Variants in AGBL1 observed in about 807,000 individuals in gnomAD.
AGBL1 encodes the protein AGBL carboxypeptidase 1, also known as cytosolic carboxypeptidase 4.
In AGBL1, 130 loss-of-function variants were observed where a neutral mutation model predicts 118.9. The ratio of observed to expected loss-of-function variants is 1.09; its 90% CI spans 0.95 to 1.26. The LOEUF (loss-of-function observed/expected upper bound fraction) is 1.26, where lower values mean the gene tolerates loss of function less well. Ranked by LOEUF, AGBL1 falls within the 50% of genes most tolerant of loss-of-function variation. AGBL1 has a pLI of 0.00. For synonymous variants in AGBL1, 555 were observed against 478.9 expected, an observed-to-expected ratio of 1.16 and a Z score of -2.08; for missense variants, 1,584 against 1,298.1, an observed-to-expected ratio of 1.22 and a Z score of -3.38.
intron 22 of AGBL1, among the ~76,000 whole-genome samples, chr15:86,827,865 C>T (rs956896697): frequency 7.7e-5 from 11 of 143,380 alleles, no homozygotes; most frequent in Non-Finnish European, 1.5e-4. Flanking sequence ...AGATGGTAGC[C>T]CTATCTGTGC....
intron 17 of AGBL1, among the ~76,000 whole-genome samples, chr15:86,364,287 C>T (rs2080847101): frequency 6.6e-6 from 1 of 152,178 alleles, no homozygotes; most frequent in African/African-American, 2.4e-5. Flanking sequence ...TGAATGCGAA[C>T]TCACTGTGGG....
intron 21 of AGBL1, among the ~76,000 whole-genome samples, chr15:86,649,336 T>C (rs900870561): frequency 6.6e-6 from 1 of 152,062 alleles, no homozygotes; most frequent in African/African-American, 2.4e-5. Context: ...AGAATGAAGA[T>C]GGGGAAGAAT....
intron 5 of AGBL1, among the ~76,000 whole-genome samples, chr15:86,213,099 A>C (rs1211353240): frequency 6.6e-6 from 1 of 152,238 alleles, no homozygotes; most frequent in East Asian, 1.9e-4. Context: ...TACAAAAATG[A>C]ATAACTGCCC....
chr15:86,352,370 G>A (rs2132659), intron 17 of AGBL1, among the ~76,000 whole-genome samples: 119,820 of 152,118 alleles, frequency 0.79, 48,025 homozygotes, highest in African/African-American at 0.86. Flanking sequence ...ATGTCAGTAG[G>A]CAACTCATGT....
intron 18 of AGBL1, among the ~76,000 whole-genome samples, chr15:86,515,985 T>C (rs2083116031): frequency 6.6e-6 from 1 of 152,072 alleles, no homozygotes; most frequent in African/African-American, 2.4e-5. Context: ...TTCAGAAAGG[T>C]GGGACAACTC....
intron 18 of AGBL1, among the ~76,000 whole-genome samples, chr15:86,502,472 G>C (rs1166945906): frequency 1.3e-5 from 2 of 151,278 alleles, no homozygotes; most frequent in Non-Finnish European, 3.0e-5. Context: ...ATACAATGTT[G>C]AATAGATGTG....
chr15:86,805,055 A>G (rs2078698058), intron 22 of AGBL1, among the ~76,000 whole-genome samples: 1 of 152,162 alleles, frequency 6.6e-6, no homozygotes. Context: ...ATTGGATAAA[A>G]TAATTGCAAA....
At chr15:86,173,171 G>C (rs2077438012) in intron 5 of AGBL1, 1 of 151,884 alleles carries the variant, frequency 6.6e-6, no homozygotes, top group South Asian at 2.1e-4. Flanking sequence ...TGTCTATTTA[G>C]ATCCTTTGCC....
At chr15:86,196,627 C>T (rs2077806814) in intron 5 of AGBL1, among the ~76,000 whole-genome samples, 1 of 152,062 alleles carries the variant, frequency 6.6e-6, no homozygotes, top group Non-Finnish European at 1.5e-5. Context: ...TCAAGTAGAT[C>T]ACTAACAACG....
intron 18 of AGBL1, among the ~76,000 whole-genome samples, chr15:86,448,896 A>G (rs1346957869): frequency 6.6e-6 from 1 of 152,254 alleles, no homozygotes; most frequent in African/African-American, 2.4e-5. Flanking sequence ...TAATTCTTTC[A>G]GTTTCAAATA....
intron 21 of AGBL1, among the ~76,000 whole-genome samples, chr15:86,628,475 A>G (rs1395022343): frequency 6.6e-6 from 1 of 152,122 alleles, no homozygotes; most frequent in Non-Finnish European, 1.5e-5. Flanking sequence ...TGTCTAAAAC[A>G]TGTTTATTGA....
At chr15:86,291,643 G>C (rs1458990535) in intron 16 of AGBL1, among the ~76,000 whole-genome samples, 2 of 152,204 alleles carry the variant, frequency 1.3e-5, no homozygotes, top group African/African-American at 2.4e-5. Flanking sequence ...CCTCACTATG[G>C]AATTATGTGG....
intron 18 of AGBL1, among the ~76,000 whole-genome samples, chr15:86,403,997 T>A (rs533180524): frequency 6.6e-6 from 1 of 152,112 alleles, no homozygotes. Context: ...CACACACACA[T>A]CCATGCCCAA....
chr15:87,031,326 C>G (rs1202496884), downstream of AGBL1, among the ~76,000 whole-genome samples: 1 of 151,694 alleles, frequency 6.6e-6, no homozygotes, highest in African/African-American at 2.4e-5. Context: ...GACATATTAA[C>G]AGAAATAGAG....
rs756052402 is a variant in AGBL1 at position 86,390,660 on chromosome 15, A to ATTTTTTTTTTTTT, written c.2375-6692_2375-6680dup. Among the ~76,000 whole-genome samples the ATTTTTTTTTTTTT allele has an allele frequency of 2.5e-3, 185 of 75,470 alleles. 25 individuals carry two copies. In the East Asian group the frequency reaches 0.027, roughly 11 times the overall value. 49.5% of individuals were successfully genotyped at this position (75,470 alleles called of 152,430 possible). A position where few individuals can be genotyped will look rare whatever the true frequency, so the allele number is the denominator to read the frequency against. On this transcript the variant is annotated intron_variant, in intron 17 of 22. Coordinates refer to ENST00000614907, the MANE Select transcript of AGBL1 (RefSeq NM_001386094.1). ...AGGCAGAAAAGTTATATACTGTATG[A>ATTTTTTTTTTTTT]TTTTTTTTTTTTTTTTTTTTTTTTT... is the stretch of plus-strand genomic sequence containing the variant.
At chr15:86,473,004 C>A (rs1220241414) in intron 18 of AGBL1, among the ~76,000 whole-genome samples, 1 of 152,118 alleles carries the variant, frequency 6.6e-6, no homozygotes, top group Non-Finnish European at 1.5e-5. Context: ...GGATTTCTTT[C>A]AATCCATTTT....
At chr15:86,490,581 T>C (rs2082765820) in intron 18 of AGBL1, among the ~76,000 whole-genome samples, 1 of 152,110 alleles carries the variant, frequency 6.6e-6, no homozygotes, top group African/African-American at 2.4e-5. Flanking sequence ...TGCATGACAA[T>C]ACCAATGTTC....
At chr15:86,817,575 G>GACACACACAC (rs61414348) in intron 22 of AGBL1, among the ~76,000 whole-genome samples, 23 of 130,772 alleles carry the variant, frequency 1.8e-4, no homozygotes, top group African/African-American at 5.7e-4. Context: ...GAAAGAGACA[G>GACACACACAC]ACACACACAC....
chr15:86,654,406 C>T (rs553176236), intron 21 of AGBL1, among the ~76,000 whole-genome samples: 60 of 152,028 alleles, frequency 3.9e-4, no homozygotes, highest in Non-Finnish European at 7.4e-4. Flanking sequence ...AATGCATGGG[C>T]CAAAACAAAC....
Sources: gnomAD v4.1 joint callset for allele counts (sites outside exome capture counted in the v4.1 genomes callset) on GRCh38, gnomAD v4.1.1 for gene constraint, MANE v1.5 for transcripts, NCBI Gene and HGNC (gene_info 2026-07-23, HGNC 2026-07-21) for gene names.